The following ANO5 variants were observed in gnomAD, a reference collection of about 807,000 sequenced individuals.
ANO5 encodes the protein anoctamin 5.
ANO5 carries 109 observed loss-of-function variants against 121.0 expected under a neutral mutation model. That is an observed-to-expected ratio of 0.90 (90% CI 0.77 to 1.06). The LOEUF (loss-of-function observed/expected upper bound fraction) is 1.06, where lower values mean the gene tolerates loss of function less well. ANO5 is among the 50% of genes least tolerant of loss of function. ANO5 has a pLI of 0.00. For missense variants in ANO5, 1,064 were observed against 1,078.5 expected, an observed-to-expected ratio of 0.99 and a Z score of 0.19; for synonymous variants, 406 against 359.9, an observed-to-expected ratio of 1.13 and a Z score of -1.45.
At chr11:22,214,073 T>C (rs1459909291) in intron 3 of ANO5, among the ~76,000 whole-genome samples, 1 of 151,720 alleles carries the variant, frequency 6.6e-6, no homozygotes, top group Non-Finnish European at 1.5e-5. Flanking sequence ...TTATTATCAT[T>C]ATTATTATTA....
chr11:22,252,501 A>C (rs766944041), intron 12 of ANO5, among the ~76,000 whole-genome samples: 1 of 152,188 alleles, frequency 6.6e-6, no homozygotes, highest in Non-Finnish European at 1.5e-5. Context: ...TCACATTTTT[A>C]ATATTTACTG....
At chr11:22,266,221 T>G (rs1299058314) in intron 17 of ANO5, among the ~76,000 whole-genome samples, 2 of 152,158 alleles carry the variant, frequency 1.3e-5, no homozygotes, top group Non-Finnish European at 2.9e-5. Context: ...ATGAAGCACA[T>G]GAAAGAGCTT....
intron 17 of ANO5, among the ~76,000 whole-genome samples, chr11:22,266,692 G>A (rs1381632462): frequency 6.6e-6 from 1 of 151,880 alleles, no homozygotes; most frequent in Non-Finnish European, 1.5e-5. Context: ...GGTTATATAT[G>A]TTGAAAATAT....
At chr11:22,207,433 G>T (rs1852152953) in intron 2 of ANO5, among the ~76,000 whole-genome samples, 1 of 152,098 alleles carries the variant, frequency 6.6e-6, no homozygotes, top group African/African-American at 2.4e-5. Flanking sequence ...TGCAAAAGCA[G>T]TTCAATGGAA....
chr11:22,262,067 G>C, intron 15 of ANO5, 62 bp from the exon 16 acceptor site: 2 of 1,511,668 alleles, frequency 1.3e-6, no homozygotes, highest in Non-Finnish European at 1.8e-6. Flanking sequence ...TTGTCCTAGG[G>C]AGTACGAAGT....
Position 22,230,833 on chromosome 11 carries a change from A to G in ANO5, c.648+3247A>G, listed in dbSNP as rs4922616. Reference sequence around the variant, plus strand: ...CTTTACCACCCATGTTCAACCCATCACTAGGTTCTATCAGTTTAACTCCTA... The same window carrying G: ...CTTTACCACCCATGTTCAACCCATCGCTAGGTTCTATCAGTTTAACTCCTA... On this transcript the variant is annotated intron_variant, in intron 7 of 21. Transcript: ENST00000324559. Among the ~76,000 whole-genome samples the G allele has an allele frequency of 2.8e-3, 432 of 152,086 alleles. 1 individual carries two copies. The highest frequency in any genetic ancestry group is 5.2e-3 in the Non-Finnish European group (356 of 67,934).
intron 4 of ANO5, 126 bp from the exon 5 acceptor site, chr11:22,220,971 T>C: frequency 2.9e-6 from 2 of 696,798 alleles, no homozygotes; most frequent in Non-Finnish European, 5.0e-6. Context: ...AAACAAAGCA[T>C]AATCTGTTGC....
chr11:22,239,641 C>T lies in ANO5; in HGVS notation c.835C>T (p.Arg279Ter), dbSNP rs1564930625. ...ERYTLHQNWARFSYFYKEQPL... is the reference protein window; with the variant it reads ...ERYTLHQNWA ...ATACACACTTCACCAGAATTGGGCTCGATTTTCCTATTTCTACAAGGAGCA... is the reference window on the plus strand; with the variant it reads ...ATACACACTTCACCAGAATTGGGCTTGATTTTCCTATTTCTACAAGGAGCA... The change falls in exon 9 of 22, where the codon CGA becomes TGA. Residue 279 changes from arginine to a stop codon, truncating the protein, a stop_gained. Transcript: ENST00000324559. LOFTEE classifies it high-confidence loss of function. 1 of 1,612,608 alleles carries T rather than the reference C, an allele frequency of 6.2e-7. No individual in the cohort carries two copies. The highest frequency in any genetic ancestry group is 8.5e-7 in the Non-Finnish European group (1 of 1,178,924).
chr11:22,274,692 G>A lies in ANO5; in HGVS notation c.2359G>A (p.Ala787Thr). Reference sequence around the variant, plus strand: ...TAATAGCCTGTCAGTATTCCTGATAGCTGATTTTCCAAACCACACTGCACC... The same window carrying A: ...TAATAGCCTGTCAGTATTCCTGATAACTGATTTTCCAAACCACACTGCACC... ...VNNSLSVFLI[A>T]DFPNHTAPSE... Residue 787 changes from alanine to threonine, a missense_variant, in exon 20 of 22, where the codon GCT (alanine) becomes ACT (threonine). Coordinates refer to ENST00000324559, the MANE Select transcript of ANO5 (RefSeq NM_213599.3). The A allele has an allele frequency of 1.2e-6, 2 of 1,613,544 alleles. No individual in the cohort carries two copies. Among genetic ancestry groups the A allele is most frequent in the East Asian group, 2.2e-5 (1 of 44,844 alleles).
chr11:22,216,425 A>G (rs1258523823), intron 3 of ANO5, among the ~76,000 whole-genome samples: 1 of 151,896 alleles, frequency 6.6e-6, no homozygotes, highest in African/African-American at 2.4e-5. Context: ...TGTGATTTCA[A>G]TTCTCATTTC....
intron 13 of ANO5, among the ~76,000 whole-genome samples, chr11:22,255,780 A>G (rs899286515): frequency 6.6e-5 from 10 of 152,268 alleles, no homozygotes; most frequent in Admixed American, 5.9e-4. Context: ...ATCACTCAGA[A>G]TGAATCGTTT....
At chr11:22,249,638 C>A (rs913747756) in intron 9 of ANO5, among the ~76,000 whole-genome samples, 7 of 152,174 alleles carry the variant, frequency 4.6e-5, no homozygotes, top group African/African-American at 1.2e-4. Context: ...TCTTTGAAAA[C>A]CAAGAGCTAG....
At position 22,255,478 on chromosome 11, in the gene ANO5, T is replaced by A; in HGVS notation, c.1288T>A (p.Phe430Ile). 6.2e-7 allele frequency: 1 copy of A among 1,613,544 alleles called. No individual in the cohort carries two copies. Among genetic ancestry groups the A allele is most frequent in the Non-Finnish European group, 8.5e-7 (1 of 1,179,608 alleles). Residue 430 changes from phenylalanine (F) to isoleucine (I), a missense_variant, in exon 13 of 22, where the codon TTT becomes ATT. By Grantham distance (21) the Phe-to-Ile change is conservative (BLOSUM62 0). Coordinates refer to ENST00000324559, the MANE Select transcript of ANO5 (RefSeq NM_213599.3). ...EQQQLQLRPEFEAMCKHRKLN... is the reference protein window; with the variant it reads ...EQQQLQLRPEIEAMCKHRKLN... ...GCAGCAGCTTCAGCTGAGACCAGAA[T>A]TTGAAGCTATGTGTAAACACAGGAA...
intron 21 of ANO5, among the ~76,000 whole-genome samples, chr11:22,277,252 T>C (rs753321390): frequency 3.3e-5 from 5 of 151,622 alleles, no homozygotes; most frequent in Non-Finnish European, 5.9e-5. Flanking sequence ...AATTAAAGCA[T>C]ATTTTTTTGG....
chr11:22,236,431 G>A (rs113351446), intron 8 of ANO5, among the ~76,000 whole-genome samples, 155 bp downstream of exon 8: 8 of 152,132 alleles, frequency 5.3e-5, no homozygotes, highest in East Asian at 3.9e-4. Context: ...AGAGCTTTAC[G>A]AGCTATGCTG....
chr11:22,260,479 C>T (rs187383797), intron 15 of ANO5, among the ~76,000 whole-genome samples: 2 of 152,220 alleles, frequency 1.3e-5, no homozygotes, highest in East Asian at 1.9e-4. Context: ...ATTCAGTCAG[C>T]GCTGGAATGA....
rs11308210 is a variant in ANO5 at position 22,197,349 on chromosome 11, C to CT, written c.40+3833dup. Among the ~76,000 whole-genome samples the CT allele has an allele frequency of 3.9e-3, 545 of 139,350 alleles. 6 individuals are homozygous for CT. The highest frequency in any genetic ancestry group is 0.017 in the East Asian group (84 of 4,846). The allele number at this position is 139,350 out of a possible 152,430, so 91.4% of individuals were successfully genotyped here. ...GTAAAATGTCATTGCTGGAATTTAA[C>CT]TTTTTTTTTTTTTTTTGAGGTCTTA... is the stretch of plus-strand genomic sequence containing the variant. On this transcript the variant is annotated intron_variant, in intron 1 of 21. Coordinates refer to ENST00000324559, the MANE Select transcript of ANO5 (RefSeq NM_213599.3).
Position 22,262,199 on chromosome 11 carries a change from T to C in ANO5, c.1701T>C (p.Asn567=). Residue 567 remains asparagine, a synonymous_variant, in exon 16 of 22, where the codon AAT becomes AAC. Coordinates refer to ENST00000324559, the MANE Select transcript of ANO5 (RefSeq NM_213599.3). ...TLKMFLFQFV[N]FYSSCFYVAF... The stretch of plus-strand genomic sequence containing the variant: ...AAATGTTCCTGTTTCAGTTTGTAAA[T>C]TTTTACTCATCCTGCTTCTACGTAG... 1 of 1,613,974 alleles carries C rather than the reference T, an allele frequency of 6.2e-7. No individual in the cohort carries two copies. The highest frequency in any genetic ancestry group is 1.1e-5 in the South Asian group (1 of 91,080).
chr11:22,238,693 A>G (rs971409027), intron 8 of ANO5, among the ~76,000 whole-genome samples: 8 of 152,084 alleles, frequency 5.3e-5, no homozygotes, highest in Non-Finnish European at 1.0e-4. Flanking sequence ...ACCTTATCAT[A>G]TAAAGATTTT....
Sources: allele counts gnomAD v4.1 joint callset (sites outside exome capture counted in the v4.1 genomes callset), GRCh38; gene constraint gnomAD v4.1.1; transcripts MANE v1.5; gene names NCBI Gene and HGNC (gene_info 2026-07-23, HGNC 2026-07-21).